Variants in KCNQ5 observed in about 807,000 individuals in gnomAD.
KCNQ5 encodes the protein potassium voltage-gated channel subfamily Q member 5.
Under a neutral mutation model 98.2 loss-of-function variants are expected in KCNQ5, and 30 were observed. That is an observed-to-expected ratio of 0.31 (90% CI 0.23 to 0.41). The LOEUF is 0.41. Ranked by LOEUF, KCNQ5 falls within the 10% of genes least tolerant of loss-of-function variation. The pLI, the probability that KCNQ5 is intolerant of heterozygous loss-of-function variation, is 1.00. For synonymous variants in KCNQ5, 458 were observed against 449.4 expected, an observed-to-expected ratio of 1.02 and a Z score of -0.24; for missense variants, 835 against 1,182.5, an observed-to-expected ratio of 0.71 and a Z score of 4.31.
At chr6:73,075,139 A>G (rs1773474061) in intron 3 of KCNQ5, among the ~76,000 whole-genome samples, 1 of 152,234 alleles carries the variant, frequency 6.6e-6, no homozygotes. Flanking sequence ...AATAATTTAC[A>G]AAGTGAAAAG....
At chr6:73,181,432 A>C (rs372548744) in intron 11 of KCNQ5, among the ~76,000 whole-genome samples, 15 of 151,656 alleles carry the variant, frequency 9.9e-5, no homozygotes, top group African/African-American at 2.4e-4. Flanking sequence ...AGGGCTCGTC[A>C]TAGGTACTTA....
At chr6:72,866,853 A>G (rs1036303324) in intron 1 of KCNQ5, among the ~76,000 whole-genome samples, 1 of 152,246 alleles carries the variant, frequency 6.6e-6, no homozygotes, top group African/African-American at 2.4e-5. Flanking sequence ...TAAAGATGTA[A>G]TTAGAATATC....
intron 1 of KCNQ5, among the ~76,000 whole-genome samples, chr6:72,781,966 G>A (rs1397459502): frequency 6.6e-6 from 1 of 152,160 alleles, no homozygotes; most frequent in East Asian, 1.9e-4. Flanking sequence ...TTTAGAGCTA[G>A]CCAAATAGAA....
At chr6:72,788,500 T>G (rs748299728) in intron 1 of KCNQ5, among the ~76,000 whole-genome samples, 2 of 152,350 alleles carry the variant, frequency 1.3e-5, no homozygotes, top group South Asian at 4.1e-4. Context: ...TAAGGCATCC[T>G]TTCACACTTA....
At chr6:72,675,107 T>G (rs1190881876) in intron 1 of KCNQ5, among the ~76,000 whole-genome samples, 1 of 152,192 alleles carries the variant, frequency 6.6e-6, no homozygotes, top group African/African-American at 2.4e-5. Flanking sequence ...CTCAGGTCTT[T>G]TTGAGGCAAA....
In KCNQ5 at chr6:73,067,750, T is replaced by A. The variant is rs1773116431; in HGVS notation, c.617-9572T>A. Among the ~76,000 whole-genome samples, 4 of 152,136 alleles carry A rather than the reference T, an allele frequency of 2.6e-5. 1 individual carries two copies. In the South Asian group the frequency reaches 6.2e-4, roughly 24 times the overall value. ...CCCACCACTGACTAAATAAATTACCTTGGCCAATGTACTAACCTTTCTAGG... is the reference window on the plus strand; with the variant it reads ...CCCACCACTGACTAAATAAATTACCATGGCCAATGTACTAACCTTTCTAGG... On this transcript the variant is annotated intron_variant, in intron 3 of 13. Coordinates refer to ENST00000370398, the MANE Select transcript of KCNQ5 (RefSeq NM_019842.4).
At position 72,861,066 on chromosome 6, in the gene KCNQ5, G is replaced by A. The variant is rs548875832; in HGVS notation, c.399-142842G>A. On this transcript the variant is annotated intron_variant, in intron 1 of 13. Coordinates refer to ENST00000370398, the MANE Select transcript of KCNQ5 (RefSeq NM_019842.4). The stretch of plus-strand genomic sequence containing the variant: ...CATATTTTTTAAGATAGCAATGTAA[G>A]TATTGCTATCCAGTCCTCTAAAATA... 2.0e-5 allele frequency among the ~76,000 whole-genome samples: 3 copies of A among 151,690 alleles called. No homozygotes were observed. In the East Asian group the frequency reaches 5.8e-4, roughly 29 times the overall value.
At chr6:73,115,518 G>C (rs7739692) in intron 7 of KCNQ5, among the ~76,000 whole-genome samples, 31,197 of 152,058 alleles carry the variant, frequency 0.21, 7,071 homozygotes, top group African/African-American at 0.56. Flanking sequence ...ACCAAAAGGG[G>C]ATCCTAAATG....
intron 5 of KCNQ5, among the ~76,000 whole-genome samples, chr6:73,089,726 C>A (rs992352348): frequency 2.0e-5 from 3 of 152,118 alleles, no homozygotes; most frequent in African/African-American, 7.2e-5. Flanking sequence ...TAGGTGGCTG[C>A]AAATGCCATT....
At chr6:73,110,983 C>CCA (rs933806103) in intron 6 of KCNQ5, among the ~76,000 whole-genome samples, 14 of 151,946 alleles carry the variant, frequency 9.2e-5, no homozygotes, top group Non-Finnish European at 2.1e-4. Flanking sequence ...ACAGAGAAGG[C>CCA]CACACACACA....
chr6:72,942,562 T>C (rs1766359217), intron 1 of KCNQ5, among the ~76,000 whole-genome samples: 1 of 152,226 alleles, frequency 6.6e-6, no homozygotes, highest in African/African-American at 2.4e-5. Flanking sequence ...AAATTCTGCT[T>C]TCAGTATACT....
chr6:72,684,629 A>C (rs569338660), intron 1 of KCNQ5, among the ~76,000 whole-genome samples: 1 of 152,294 alleles, frequency 6.6e-6, no homozygotes, highest in Non-Finnish European at 1.5e-5. Flanking sequence ...ATGCAAGAAA[A>C]AGTGTTGTTT....
intron 1 of KCNQ5, among the ~76,000 whole-genome samples, chr6:72,627,365 A>G (rs980752095): frequency 3.9e-5 from 6 of 152,212 alleles, no homozygotes; most frequent in Admixed American, 3.9e-4. Flanking sequence ...GTAAGAGCCA[A>G]TGGAAGAACC....
At chr6:72,998,169 G>C (rs2150317230) in intron 1 of KCNQ5, among the ~76,000 whole-genome samples, 1 of 152,280 alleles carries the variant, frequency 6.6e-6, no homozygotes, top group South Asian at 2.1e-4. Context: ...CTGTCCTCCA[G>C]GCAAAGTGCT....
At chr6:73,052,287 G>C (rs1194053944) in intron 3 of KCNQ5, among the ~76,000 whole-genome samples, 2 of 152,190 alleles carry the variant, frequency 1.3e-5, no homozygotes, top group African/African-American at 4.8e-5. Context: ...AAGAGAGGGA[G>C]AGAAAGCAAG....
intron 2 of KCNQ5, among the ~76,000 whole-genome samples, chr6:73,028,810 A>T (rs16883192): frequency 0.079 from 12,027 of 152,186 alleles, 533 homozygotes; most frequent in East Asian, 0.21. Flanking sequence ...TAAAATTGTG[A>T]ATCAGTCCTC....
At chr6:72,923,543 AT>A (rs1300513488) in intron 1 of KCNQ5, among the ~76,000 whole-genome samples, 1 of 152,126 alleles carries the variant, frequency 6.6e-6, no homozygotes, top group Non-Finnish European at 1.5e-5. Flanking sequence ...CTTTTGAGAA[AT>A]TTTTTTAATC....
At chr6:72,752,813 T>C (rs547507807) in intron 1 of KCNQ5, among the ~76,000 whole-genome samples, 41 of 152,252 alleles carry the variant, frequency 2.7e-4, no homozygotes, top group African/African-American at 9.4e-4. Context: ...GTATTAATAC[T>C]ATAAAATTAA....
At chr6:72,710,399 TA>T (rs1337708977) in intron 1 of KCNQ5, among the ~76,000 whole-genome samples, 3 of 152,084 alleles carry the variant, frequency 2.0e-5, no homozygotes, top group Admixed American at 2.0e-4. Flanking sequence ...TAAAAAAATT[TA>T]AAAAGCAAAA....
Sources: allele counts gnomAD v4.1 joint callset (sites outside exome capture counted in the v4.1 genomes callset), GRCh38; gene constraint gnomAD v4.1.1; transcripts MANE v1.5; gene names NCBI Gene and HGNC (gene_info 2026-07-23, HGNC 2026-07-21).